PASD1: variants seen among roughly 807,000 people sequenced by gnomAD.
PASD1 encodes PAS domain containing repressor 1.
Under a neutral mutation model 58.8 loss-of-function variants are expected in PASD1, and 13 were observed. The observed-to-expected ratio is 0.22, with a 90% confidence interval of 0.14 to 0.35. PASD1 has a LOEUF of 0.35. Ranked by LOEUF, PASD1 falls within the 10% of genes least tolerant of loss-of-function variation. The pLI is 1.00. For synonymous variants in PASD1, 236 were observed against 216.7 expected (o/e 1.09, Z -0.78); for missense variants, 734 against 568.3 (o/e 1.29, Z -2.96).
intron 8 of PASD1, among the ~76,000 whole-genome samples, chrX:151,626,351 G>A (rs1481607482): frequency 9.0e-6 from 1 of 111,728 alleles, no homozygotes; most frequent in Non-Finnish European, 1.9e-5. Context: ...TATTTCACGT[G>A]AGAAAAGTAA....
chrX:151,671,179 A>G lies in PASD1; in HGVS notation c.1213A>G (p.Met405Val), dbSNP rs200879243. The change falls in exon 12 of 16, where the codon ATG (methionine) becomes GTG (valine). Residue 405 changes from methionine (M) to valine (V), a missense_variant. Physicochemically the swap from Met to Val is conservative, Grantham distance 21 (BLOSUM62 1). Transcript: ENST00000370357. ...AAACCAGCAGAATGCATTGGAATTG[A>G]TGATGGATCACCTTCAGGTCAGTCA... ...IQNQQNALEL[M>V]MDHLQKQPNT... is the part of the protein sequence containing the mutation. 18 of 1,209,788 alleles carry G rather than the reference A, an allele frequency of 1.5e-5. No individual in the cohort carries two copies. The highest frequency in any genetic ancestry group is 1.9e-5 in the Non-Finnish European group (17 of 895,066).
intron 1 of PASD1, among the ~76,000 whole-genome samples, chrX:151,581,111 C>T (rs2013083636): frequency 9.3e-6 from 1 of 107,843 alleles, no homozygotes; most frequent in African/African-American, 3.4e-5. Flanking sequence ...GCCTGTAATC[C>T]CAGCTACTCG....
At chrX:151,653,908 T>C (rs1402393174) in intron 9 of PASD1, among the ~76,000 whole-genome samples, 17 of 66,309 alleles carry the variant, frequency 2.6e-4, no homozygotes, top group African/African-American at 1.0e-3. Flanking sequence ...CTTTCTTTCT[T>C]TCTTTCTTTC....
chrX:151,646,221 G>C (rs897304903), intron 8 of PASD1, among the ~76,000 whole-genome samples: 1 of 111,936 alleles, frequency 8.9e-6, no homozygotes, highest in African/African-American at 3.2e-5. Flanking sequence ...ATTTATACTG[G>C]CTTATGGAGA....
intron 1 of PASD1, among the ~76,000 whole-genome samples, chrX:151,590,553 A>G (rs2013230977): frequency 9.0e-6 from 1 of 111,142 alleles, no homozygotes; most frequent in Non-Finnish European, 1.9e-5. Context: ...TTCTCAGGAC[A>G]TGTTCCACTT....
chrX:151,661,411 C>G (rs1019764847), intron 10 of PASD1, among the ~76,000 whole-genome samples: 2 of 111,773 alleles, frequency 1.8e-5, no homozygotes, highest in African/African-American at 3.2e-5. Flanking sequence ...TTCATTCTGC[C>G]TAATCCAGAT....
At chrX:151,603,530 A>G (rs896336821) in intron 2 of PASD1, among the ~76,000 whole-genome samples, 3 of 111,846 alleles carry the variant, frequency 2.7e-5, no homozygotes, top group Non-Finnish European at 5.6e-5. Flanking sequence ...CTGGAAGGCA[A>G]TGGAGAAATT....
At chrX:151,564,667 G>A (rs1259801755) in intron 1 of PASD1, among the ~76,000 whole-genome samples, 3 of 108,791 alleles carry the variant, frequency 2.8e-5, no homozygotes, top group Admixed American at 9.8e-5. Flanking sequence ...TTACGGCTGA[G>A]TTTGAGACCA....
chrX:151,657,061 G>A (rs1223818480), intron 9 of PASD1, among the ~76,000 whole-genome samples: 1 of 111,698 alleles, frequency 9.0e-6, no homozygotes. Context: ...AGAGTTTTTA[G>A]CATGAAGGGC....
Position 151,672,589 on chromosome X carries a change from G to A in PASD1, c.1844G>A (p.Arg615Lys). 8.2e-7 allele frequency: 1 copy of A among 1,212,157 alleles called. No homozygotes were observed. Among genetic ancestry groups the A allele is most frequent in the East Asian group, 3.0e-5 (1 of 33,826 alleles). ...LQAQPIVPVQRAAEQQPSGFY... is the reference protein window; with the variant it reads ...LQAQPIVPVQKAAEQQPSGFY... ...GCCCAACCCATTGTTCCTGTCCAGA[G>A]AGCAGCTGAACAACAGCCCTCTGGC... is the stretch of plus-strand genomic sequence containing the variant. Residue 615 changes from arginine to lysine, a missense_variant, in exon 14 of 16, where the codon AGA becomes AAA. Physicochemically the swap from Arg to Lys is conservative, Grantham distance 26 (BLOSUM62 2). Coordinates refer to ENST00000370357, the MANE Select transcript of PASD1 (RefSeq NM_173493.3).
intron 1 of PASD1, among the ~76,000 whole-genome samples, chrX:151,593,945 A>G (rs2013283142): frequency 9.0e-6 from 1 of 111,619 alleles, no homozygotes; most frequent in South Asian, 3.8e-4. Flanking sequence ...CCTAAACTAC[A>G]TTTGTGTGTT....
intron 8 of PASD1, among the ~76,000 whole-genome samples, chrX:151,643,251 A>T (rs189141620): frequency 8.9e-6 from 1 of 111,943 alleles, no homozygotes; most frequent in East Asian, 2.8e-4. Context: ...GTATGCTTCC[A>T]TACTGAAAAG....
At chrX:151,605,866 G>T (rs1045872301) in intron 3 of PASD1, among the ~76,000 whole-genome samples, 1 of 111,856 alleles carries the variant, frequency 8.9e-6, no homozygotes, top group African/African-American at 3.2e-5. Flanking sequence ...GATTACATGC[G>T]TGAGCCACTG....
chrX:151,661,886 C>T (rs184490482), intron 10 of PASD1, among the ~76,000 whole-genome samples: 12 of 112,133 alleles, frequency 1.1e-4, no homozygotes, highest in Non-Finnish European at 2.1e-4. Context: ...GGGAAGAATA[C>T]CACAGATGTG....
chrX:151,668,798 A>G (rs1352002082), intron 11 of PASD1, among the ~76,000 whole-genome samples: 1 of 109,364 alleles, frequency 9.1e-6, no homozygotes, highest in Admixed American at 9.8e-5. Flanking sequence ...AGCTGGTACC[A>G]TTCGTTCTGA....
chrX:151,628,202 T>G lies in PASD1; in HGVS notation c.629+2672T>G, dbSNP rs767817812. Among the ~76,000 whole-genome samples the G allele has an allele frequency of 9.9e-5, 11 of 111,439 alleles. No homozygotes were observed. The South Asian group carries it at 2.3e-3, about 23-fold the overall frequency. ...TTTCTTTTGCTGTGCAGAAGCTCTT[T>G]AGTTTAATTAGATCCCATTTGTCAA... On this transcript the variant is annotated intron_variant, in intron 8 of 15. Coordinates refer to ENST00000370357, the MANE Select transcript of PASD1 (RefSeq NM_173493.3).
At chrX:151,657,302 T>C (rs1647677256) in intron 9 of PASD1, among the ~76,000 whole-genome samples, 1 of 111,924 alleles carries the variant, frequency 8.9e-6, no homozygotes, top group South Asian at 3.8e-4. Context: ...TCATCAGGGA[T>C]ATTGGTCTAA....
intron 8 of PASD1, among the ~76,000 whole-genome samples, chrX:151,626,609 T>C (rs1377150805): frequency 1.8e-5 from 2 of 111,886 alleles, no homozygotes; most frequent in African/African-American, 6.5e-5. Context: ...CGTTGCAGTG[T>C]ACATGTACTG....
intron 1 of PASD1, among the ~76,000 whole-genome samples, chrX:151,582,138 C>T (rs759566826): frequency 1.8e-5 from 2 of 109,423 alleles, no homozygotes; most frequent in Non-Finnish European, 3.8e-5. Flanking sequence ...AGGTGTGTGT[C>T]ACCACGCCCG....
Sources: gnomAD v4.1 joint callset for allele counts (sites outside exome capture counted in the v4.1 genomes callset) on GRCh38, gnomAD v4.1.1 for gene constraint, MANE v1.5 for transcripts, NCBI Gene and HGNC (gene_info 2026-07-23, HGNC 2026-07-21) for gene names.